FHIT: variants seen among roughly 807,000 people sequenced by gnomAD.
FHIT encodes fragile histidine triad diadenosine triphosphatase, also known as bis(5'-adenosyl)-triphosphatase.
Under a neutral mutation model 17.9 loss-of-function variants are expected in FHIT, and 19 were observed. The ratio of observed to expected loss-of-function variants is 1.06; its 90% CI spans 0.74 to 1.56. The LOEUF (loss-of-function observed/expected upper bound fraction) is 1.56, where lower values mean the gene tolerates loss of function less well. FHIT is among the 40% of genes most tolerant of loss of function. The pLI is 0.00. For missense variants in FHIT, 248 were observed against 189.2 expected, an observed-to-expected ratio of 1.31 and a Z score of -1.82; for synonymous variants, 81 against 69.7, an observed-to-expected ratio of 1.16 and a Z score of -0.81.
At chr3:60,360,707 C>A (rs1699872529) in intron 5 of FHIT, among the ~76,000 whole-genome samples, 1 of 152,164 alleles carries the variant, frequency 6.6e-6, no homozygotes, top group Non-Finnish European at 1.5e-5. Flanking sequence ...AATTCAAAAT[C>A]AATATGGCCA....
chr3:60,229,424 G>GAAAAAAA (rs796109235), intron 5 of FHIT, among the ~76,000 whole-genome samples: 3 of 71,080 alleles, frequency 4.2e-5, no homozygotes, highest in Non-Finnish European at 6.5e-5. Context: ...TCATCAAAAA[G>GAAAAAAA]AAAAAAAAAA....
chr3:59,876,593 T>C (rs541262947), intron 8 of FHIT, among the ~76,000 whole-genome samples: 2 of 151,790 alleles, frequency 1.3e-5, no homozygotes, highest in Admixed American at 1.3e-4. Flanking sequence ...GACTCATACC[T>C]TTGGTGGGAG....
intron 3 of FHIT, among the ~76,000 whole-genome samples, chr3:60,948,209 T>C (rs1373191044): frequency 6.6e-6 from 1 of 152,066 alleles, no homozygotes; most frequent in Non-Finnish European, 1.5e-5. Flanking sequence ...AAGGGGGTCT[T>C]ATATATTAAC....
chr3:60,586,454 A>T (rs1323902854), intron 4 of FHIT, among the ~76,000 whole-genome samples: 3 of 152,022 alleles, frequency 2.0e-5, no homozygotes, highest in African/African-American at 7.2e-5. Flanking sequence ...AGAGGTAAAA[A>T]CAGAACTATC....
At position 60,943,482 on chromosome 3, in the gene FHIT, A is replaced by G. The variant is rs561161548; in HGVS notation, c.-111+98565T>C. 4.6e-5 allele frequency among the ~76,000 whole-genome samples: 7 copies of G among 152,226 alleles called. No homozygotes were observed. The East Asian group carries it at 1.4e-3, about 29-fold the overall frequency. On this transcript the variant is annotated intron_variant, in intron 3 of 9. Coordinates refer to ENST00000492590, the MANE Select transcript of FHIT (RefSeq NM_002012.4). ...TGTCAATTTCATCTATTTTCTCTTA[A>G]TCTTCCCATGCTATTATCCTTAATT...
intron 5 of FHIT, among the ~76,000 whole-genome samples, chr3:60,530,486 C>T (rs1224767365): frequency 1.3e-5 from 2 of 152,112 alleles, no homozygotes; most frequent in Non-Finnish European, 1.5e-5. Flanking sequence ...ATTGTTCTGT[C>T]TATGATAAAA....
chr3:59,899,854 AAAAC>A (rs1397953281), intron 8 of FHIT, among the ~76,000 whole-genome samples: 1 of 152,126 alleles, frequency 6.6e-6, no homozygotes, highest in African/African-American at 2.4e-5. Flanking sequence ...TCAAAAAACA[AAAAC>A]AAAAAAAAGA....
intron 5 of FHIT, among the ~76,000 whole-genome samples, chr3:60,518,272 G>C (rs1418758601): frequency 2.6e-5 from 4 of 152,192 alleles, no homozygotes; most frequent in African/African-American, 7.2e-5. Context: ...ATTCGTAAAA[G>C]ATCTCTAACA....
At chr3:60,445,177 C>A (rs1345957893) in intron 5 of FHIT, among the ~76,000 whole-genome samples, 5 of 151,992 alleles carry the variant, frequency 3.3e-5, no homozygotes, top group African/African-American at 9.7e-5. Context: ...TTCCCCGGCC[C>A]TATCTCCAGA....
intron 8 of FHIT, among the ~76,000 whole-genome samples, chr3:59,836,829 G>A (rs770726060): frequency 2.0e-5 from 3 of 152,118 alleles, no homozygotes; most frequent in Non-Finnish European, 4.4e-5. Context: ...GGAGGGGCCC[G>A]AACAGTGATG....
chr3:60,509,444 T>C (rs1311991659), intron 5 of FHIT, among the ~76,000 whole-genome samples: 1 of 152,236 alleles, frequency 6.6e-6, no homozygotes, highest in Non-Finnish European at 1.5e-5. Flanking sequence ...AATAAATAGA[T>C]GAATTAGGAT....
chr3:60,390,412 A>AAAAC (rs1701177803), intron 5 of FHIT, among the ~76,000 whole-genome samples: 1 of 124,062 alleles, frequency 8.1e-6, no homozygotes, highest in African/African-American at 2.9e-5. Flanking sequence ...AAAAAAAAAA[A>AAAAC]AAAAAAAAAA....
chr3:60,684,845 G>T (rs782475609), intron 4 of FHIT, among the ~76,000 whole-genome samples: 5 of 152,130 alleles, frequency 3.3e-5, no homozygotes, highest in Non-Finnish European at 5.9e-5. Flanking sequence ...GATTGAAGGA[G>T]TTCAGAACAC....
At chr3:59,898,638 CT>C (rs200581762) in intron 8 of FHIT, among the ~76,000 whole-genome samples, 3 of 151,386 alleles carry the variant, frequency 2.0e-5, no homozygotes, top group African/African-American at 7.3e-5. Flanking sequence ...TCTACAGAAT[CT>C]TTTTTTTTCT....
intron 2 of FHIT, among the ~76,000 whole-genome samples, chr3:61,123,508 A>C (rs2036521159): frequency 6.6e-6 from 1 of 151,896 alleles, no homozygotes; most frequent in Non-Finnish European, 1.5e-5. Context: ...AATAAAAAAA[A>C]AGGAGAAGAA....
chr3:60,078,940 A>G (rs757160069), intron 5 of FHIT, among the ~76,000 whole-genome samples: 30 of 152,204 alleles, frequency 2.0e-4, no homozygotes, highest in Non-Finnish European at 4.0e-4. Flanking sequence ...TTCAGAATTA[A>G]AAGTTAAAAA....
At chr3:60,015,472 C>G (rs375409031) in intron 5 of FHIT, among the ~76,000 whole-genome samples, 2 of 152,202 alleles carry the variant, frequency 1.3e-5, no homozygotes, top group South Asian at 2.1e-4. Flanking sequence ...TTTGGCAGGC[C>G]CGCTTTATTA....
At chr3:60,990,152 T>G (rs2030053329) in intron 3 of FHIT, among the ~76,000 whole-genome samples, 1 of 152,120 alleles carries the variant, frequency 6.6e-6, no homozygotes, top group South Asian at 2.1e-4. Context: ...GGGTTGCAAG[T>G]CCCTTTGACA....
chr3:59,893,387 CAAG>C lies in FHIT; in HGVS notation c.348+28956_348+28958del, dbSNP rs199522973. Among the ~76,000 whole-genome samples the C allele has an allele frequency of 3.9e-4, 59 of 152,220 alleles. No homozygotes were observed. In the East Asian group the frequency reaches 8.3e-3, roughly 21 times the overall value. On this transcript the variant is annotated intron_variant, in intron 8 of 9. Transcript: ENST00000492590. ...ACTACTGTACATGGCTCTTTCCAAA[CAAG>C]AAGAAAAGAATATAACATGAACTGA... is the stretch of plus-strand genomic sequence containing the variant.
Sources: allele counts gnomAD v4.1 joint callset (sites outside exome capture counted in the v4.1 genomes callset), GRCh38; gene constraint gnomAD v4.1.1; transcripts MANE v1.5; gene names NCBI Gene and HGNC (gene_info 2026-07-23, HGNC 2026-07-21).